Variants in STIM1 observed in about 807,000 individuals in gnomAD.
The protein encoded by STIM1 is stromal interaction molecule 1.
STIM1 carries 25 observed loss-of-function variants against 74.7 expected under a neutral mutation model. The observed-to-expected ratio is 0.33, with a 90% confidence interval of 0.24 to 0.47. STIM1 has a LOEUF of 0.47. STIM1 is among the 20% of genes least tolerant of loss of function. STIM1 has a pLI of 1.00. For synonymous variants in STIM1, 328 were observed against 348.8 expected (o/e 0.94, Z 0.66); for missense variants, 728 against 920.8 (o/e 0.79, Z 2.71).
chr11:4,083,345 A>G lies in STIM1; in HGVS notation c.1321A>G (p.Ile441Val), dbSNP rs754868552. ...QQIEILCGFQIVNNPGIHSLV... is the reference protein window; with the variant it reads ...QQIEILCGFQVVNNPGIHSLV... The stretch of plus-strand genomic sequence containing the variant: ...GATCGAGATCCTCTGTGGCTTCCAG[A>G]TTGTCAACAACCCTGGCATCCACTC... Residue 441 changes from isoleucine to valine, a missense_variant, in exon 10 of 13, where the codon ATT (isoleucine) becomes GTT (valine). Ile to Val is a conservative substitution (Grantham distance 29). Transcript: ENST00000526596. 1 of 1,614,210 alleles carries G rather than the reference A, an allele frequency of 6.2e-7. No individual in the cohort carries two copies. Among genetic ancestry groups the G allele is most frequent in the Non-Finnish European group, 8.5e-7 (1 of 1,180,042 alleles).
chr11:4,084,384 A>G (rs2094481068), intron 10 of STIM1, among the ~76,000 whole-genome samples: 1 of 152,192 alleles, frequency 6.6e-6, no homozygotes, highest in Non-Finnish European at 1.5e-5. Flanking sequence ...ATTTATTTGT[A>G]ATTTTATCAA....
intron 2 of STIM1, among the ~76,000 whole-genome samples, chr11:3,996,773 G>A (rs962448561): frequency 2.6e-5 from 4 of 152,198 alleles, no homozygotes; most frequent in Non-Finnish European, 5.9e-5. Context: ...AGTTTCACTA[G>A]TTTTACTGGA....
chr11:3,929,099 C>T (rs2092826930), intron 1 of STIM1, among the ~76,000 whole-genome samples: 1 of 152,210 alleles, frequency 6.6e-6, no homozygotes, highest in South Asian at 2.1e-4. Flanking sequence ...GATCTGCTCG[C>T]CTCAGCCTCC....
intron 2 of STIM1, among the ~76,000 whole-genome samples, chr11:4,008,749 A>G (rs982962325): frequency 6.6e-6 from 1 of 152,134 alleles, no homozygotes; most frequent in Non-Finnish European, 1.5e-5. Flanking sequence ...TAAAATGTAC[A>G]TCTTTGGGAT....
At chr11:3,912,405 C>T (rs1181549926) in intron 1 of STIM1, among the ~76,000 whole-genome samples, 1 of 151,040 alleles carries the variant, frequency 6.6e-6, no homozygotes, top group African/African-American at 2.4e-5. Context: ...CACTTTGGTG[C>T]CCAGGCTGTA....
chr11:4,087,667 C>T (rs1245661093), intron 12 of STIM1, among the ~76,000 whole-genome samples: 2 of 151,752 alleles, frequency 1.3e-5, no homozygotes, highest in African/African-American at 2.4e-5. Context: ...ATTTTAGTGG[C>T]TGTGTGAAGG....
At chr11:3,906,277 A>G (rs2092464278) in intron 1 of STIM1, among the ~76,000 whole-genome samples, 1 of 152,232 alleles carries the variant, frequency 6.6e-6, no homozygotes, top group South Asian at 2.1e-4. Context: ...AAACACTGAG[A>G]ATTAGAAGAC....
intron 1 of STIM1, among the ~76,000 whole-genome samples, chr11:3,907,118 T>C (rs1278996115): frequency 1.3e-5 from 2 of 152,170 alleles, no homozygotes; most frequent in Non-Finnish European, 2.9e-5. Context: ...GGCACTGAAG[T>C]TTAGAAGTTG....
chr11:3,890,129 T>A (rs529448126), intron 1 of STIM1, among the ~76,000 whole-genome samples: 2 of 152,234 alleles, frequency 1.3e-5, no homozygotes, highest in African/African-American at 4.8e-5. Context: ...ATTCTTTTTT[T>A]CTTTCTTACT....
At chr11:3,907,458 A>G (rs1196185102) in intron 1 of STIM1, among the ~76,000 whole-genome samples, 1 of 152,144 alleles carries the variant, frequency 6.6e-6, no homozygotes, top group African/African-American at 2.4e-5. Context: ...TGTCGGTTCT[A>G]CCTTTAAAAC....
Position 3,855,968 on chromosome 11 carries a change from G to A in STIM1, c.-303G>A, listed in dbSNP as rs201905382. 3 of 452,122 alleles carry A rather than the reference G, an allele frequency of 6.6e-6. No homozygotes were observed. Among genetic ancestry groups the A allele is most frequent in the Non-Finnish European group, 8.2e-6 (2 of 243,026 alleles). The allele number at this position is 452,122 out of a possible 1,614,324, so 28.0% of individuals were successfully genotyped here. A position where few individuals can be genotyped will look rare whatever the true frequency, so the allele number is the denominator to read the frequency against. Reference sequence around the variant, plus strand: ...CCCTTCCGCAGGGGTGTAGTAATCTGCGGAGCTGACAGCAGCCCCGCAGCC... The same window carrying A: ...CCCTTCCGCAGGGGTGTAGTAATCTACGGAGCTGACAGCAGCCCCGCAGCC... On this transcript the variant is annotated 5_prime_UTR_variant, in exon 1 of 13. Transcript: ENST00000526596.
At chr11:4,012,922 T>A (rs1436549913) in intron 2 of STIM1, among the ~76,000 whole-genome samples, 1 of 152,148 alleles carries the variant, frequency 6.6e-6, no homozygotes, top group Non-Finnish European at 1.5e-5. Context: ...TTATTGAGAG[T>A]GTTTAGCATG....
intron 1 of STIM1, among the ~76,000 whole-genome samples, chr11:3,885,156 A>G (rs1030344329): frequency 7.9e-5 from 12 of 151,422 alleles, no homozygotes; most frequent in African/African-American, 2.9e-4. Flanking sequence ...ATGTCATGTG[A>G]ATTATATTTC....
chr11:4,087,049 G>T (rs756131653), intron 12 of STIM1, among the ~76,000 whole-genome samples: 13 of 152,112 alleles, frequency 8.5e-5, no homozygotes, highest in South Asian at 6.2e-4. Context: ...TTCTGTGTTT[G>T]GGGTTTGCTG....
chr11:3,888,068 C>T (rs2091781859), intron 1 of STIM1: 1 of 152,078 alleles, frequency 6.6e-6, no homozygotes, highest in Non-Finnish European at 1.5e-5. Flanking sequence ...AGGCTCTTCC[C>T]TGTTCTGCAC....
Position 3,857,096 on chromosome 11 carries a change from G to GTTTTTTTT in STIM1, c.139+691_139+698dup, listed in dbSNP as rs1397784537. On this transcript the variant is annotated intron_variant, in intron 1 of 12. Transcript: ENST00000526596. ...TGAGGGTGGGAATTCCATGCTACAG[G>GTTTTTTTT]TTTTTTTTTTTGTTTTTTTTTTTTT... Among the ~76,000 whole-genome samples, 37 of 78,006 alleles carry GTTTTTTTT rather than the reference G, an allele frequency of 4.7e-4. 6 individuals are homozygous for GTTTTTTTT. The highest frequency in any genetic ancestry group is 1.1e-3 in the South Asian group (2 of 1,862). 51.2% of individuals were successfully genotyped at this position (78,006 alleles called of 152,430 possible).
chr11:3,879,476 AC>A (rs2091421793), intron 1 of STIM1, among the ~76,000 whole-genome samples: 1 of 152,102 alleles, frequency 6.6e-6, no homozygotes. Context: ...TCCCCAGCCA[AC>A]TGATGGTAGT....
chr11:3,905,624 T>C (rs1255671016), intron 1 of STIM1, among the ~76,000 whole-genome samples: 1 of 152,122 alleles, frequency 6.6e-6, no homozygotes, highest in African/African-American at 2.4e-5. Context: ...TGCCAGGCAT[T>C]TTTCTAGATA....
At chr11:3,918,631 G>A (rs991844020) in intron 1 of STIM1, among the ~76,000 whole-genome samples, 2 of 152,044 alleles carry the variant, frequency 1.3e-5, no homozygotes, top group Non-Finnish European at 2.9e-5. Flanking sequence ...TTTTGGCTTG[G>A]GTCCTATGCC....
Sources: gnomAD v4.1 joint callset for allele counts (sites outside exome capture counted in the v4.1 genomes callset) on GRCh38, gnomAD v4.1.1 for gene constraint, MANE v1.5 for transcripts, NCBI Gene and HGNC (gene_info 2026-07-23, HGNC 2026-07-21) for gene names.